PSMA1: variants seen among roughly 807,000 people sequenced by gnomAD.
The protein encoded by PSMA1 is proteasome 20S subunit alpha 1, also known as proteasome subunit alpha type-1.
A neutral mutation model predicts 38.4 loss-of-function variants in PSMA1; 3 were observed. That is an observed-to-expected ratio of 0.08 (90% confidence interval 0.04 to 0.20). PSMA1 has a LOEUF of 0.20. Among genes scored for constraint, PSMA1 ranks in the 10% least tolerant of loss-of-function variants. The pLI is 1.00. For missense variants in PSMA1, 227 were observed against 325.3 expected (o/e 0.70, Z 2.32); for synonymous variants, 101 against 107.1 (o/e 0.94, Z 0.35).
chr11:14,517,996 AAC>A lies in PSMA1; in HGVS notation c.49-17_49-16del. ...TGAATCCTGCCCTAAAGAAAAAAAA[AAC>A]AAAAAACACACATCTTAGAAGATCT... On this transcript the variant is annotated splice_polypyrimidine_tract_variant and intron_variant, in intron 2 of 9. Coordinates refer to ENST00000396394, the MANE Select transcript of PSMA1 (RefSeq NM_002786.4). The A allele has an allele frequency of 6.5e-7, 1 of 1,527,860 alleles. No homozygotes were observed. The highest frequency in any genetic ancestry group is 1.4e-5 in the African/African-American group (1 of 71,374). 94.6% of individuals were successfully genotyped at this position (1,527,860 alleles called of 1,614,324 possible).
intron 2 of PSMA1, among the ~76,000 whole-genome samples, chr11:14,537,522 A>G (rs1851722594): frequency 6.6e-6 from 1 of 151,420 alleles, no homozygotes; most frequent in South Asian, 2.1e-4. Context: ...ACAGAGTAGG[A>G]AGTTGCTATA....
At chr11:14,563,943 T>A (rs571474095) in intron 2 of PSMA1, among the ~76,000 whole-genome samples, 1 of 152,378 alleles carries the variant, frequency 6.6e-6, no homozygotes, top group African/African-American at 2.4e-5. Flanking sequence ...GAAACAACCA[T>A]AATTAAATAA....
At chr11:14,611,456 G>C (rs917160364) in intron 1 of PSMA1, among the ~76,000 whole-genome samples, 1 of 152,184 alleles carries the variant, frequency 6.6e-6, no homozygotes, top group African/African-American at 2.4e-5. Context: ...AATTAGCTAT[G>C]TTCTGTGCAT....
chr11:14,598,836 T>C (rs961615537), intron 2 of PSMA1, among the ~76,000 whole-genome samples: 2 of 152,118 alleles, frequency 1.3e-5, no homozygotes, highest in East Asian at 3.9e-4. Context: ...ATTCCTAGCA[T>C]TGATGATCTT....
intron 2 of PSMA1, among the ~76,000 whole-genome samples, chr11:14,590,329 G>A (rs1311091922): frequency 1.3e-5 from 2 of 152,140 alleles, no homozygotes; most frequent in Admixed American, 6.5e-5. Flanking sequence ...GGTTAAGATA[G>A]CAAATTTTCA....
chr11:14,591,392 C>A (rs1470602071), intron 2 of PSMA1, among the ~76,000 whole-genome samples: 1 of 152,202 alleles, frequency 6.6e-6, no homozygotes, highest in African/African-American at 2.4e-5. Flanking sequence ...CGATGAGTGC[C>A]GCCCCCTGCT....
intron 2 of PSMA1, among the ~76,000 whole-genome samples, chr11:14,543,121 G>A (rs946665296): frequency 1.3e-5 from 2 of 152,162 alleles, no homozygotes; most frequent in Non-Finnish European, 2.9e-5. Context: ...GTGAGCCACT[G>A]TGCCCTGCCA....
At chr11:14,519,124 T>C (rs559872716) in intron 1 of PSMA1, 83 bp from the exon 2 acceptor site, 9 of 1,213,444 alleles carry the variant, frequency 7.4e-6, no homozygotes, top group Admixed American at 1.8e-5. Flanking sequence ...AATATGCTTG[T>C]ATTTCCATTC....
chr11:14,520,139 G>T, intron 1 of PSMA1, 158 bp downstream of exon 1: 1 of 1,196,654 alleles, frequency 8.4e-7, no homozygotes, highest in Non-Finnish European at 1.2e-6. Context: ...GCCCGGCCAG[G>T]CCGGAGATGC....
rs755431214 is a variant in PSMA1 at position 14,593,651 on chromosome 11, AGAGAGAGAGAGC to A, written c.21+17303_21+17314del. On this transcript the variant is annotated intron_variant, in intron 2 of 10. Coordinates refer to the PSMA1 transcript ENST00000418988. Reference sequence around the variant, plus strand: ...GAGAGAGAGAGAGAGAGAGAGAGAGAGAGAGAGAGAGCGCCAGCCCTAATGTGTGGTCCTAAT... The same window carrying A: ...GAGAGAGAGAGAGAGAGAGAGAGAGAGCCAGCCCTAATGTGTGGTCCTAAT... Among the ~76,000 whole-genome samples, 703 of 148,086 alleles carry A rather than the reference AGAGAGAGAGAGC, an allele frequency of 4.7e-3. 5 individuals are homozygous for A. Among genetic ancestry groups the A allele is most frequent in the African/African-American group, 0.017 (669 of 38,954 alleles).
exon 2 of PSMA1, chr11:14,611,021 C>CCTAGT (rs1394709666): frequency 6.2e-7 from 1 of 1,603,288 alleles, no homozygotes; most frequent in African/African-American, 1.3e-5. Flanking sequence ...AGTAGACCAA[C>CCTAGT]ATACAACATA....
At chr11:14,593,613 T>TGAGAGAGA (rs59225796) in intron 2 of PSMA1, among the ~76,000 whole-genome samples, 1,300 of 98,940 alleles carry the variant, frequency 0.013, 34 homozygotes, top group Non-Finnish European at 0.02. Context: ...GGAGGAAAAA[T>TGAGAGAGA]GAGAGAGAGA....
chr11:14,612,549 T>C (rs942460108), intron 1 of PSMA1, among the ~76,000 whole-genome samples: 4 of 152,144 alleles, frequency 2.6e-5, no homozygotes, highest in Non-Finnish European at 5.9e-5. Flanking sequence ...AAAAAATGTA[T>C]GGAGCAGTTT....
At chr11:14,514,928 CA>C (rs1232543643) in intron 4 of PSMA1, among the ~76,000 whole-genome samples, 1 of 152,114 alleles carries the variant, frequency 6.6e-6, no homozygotes, top group Non-Finnish European at 1.5e-5. Flanking sequence ...GAAAACACAG[CA>C]GGGGGGATCT....
chr11:14,518,977 G>A lies in PSMA1; in HGVS notation c.48+20C>T. On this transcript the variant is annotated intron_variant, in intron 2 of 9. Transcript: ENST00000396394. Reference sequence around the variant, plus strand: ...CACAAAAAGCCACTTCACAGAAAAGGTTTAAAAACATTATTTTACCTGGGG... The same window carrying A: ...CACAAAAAGCCACTTCACAGAAAAGATTTAAAAACATTATTTTACCTGGGG... The A allele has an allele frequency of 6.4e-7, 1 of 1,557,842 alleles. No homozygotes were observed. Among genetic ancestry groups the A allele is most frequent in the Non-Finnish European group, 8.7e-7 (1 of 1,146,374 alleles).
intron 2 of PSMA1, among the ~76,000 whole-genome samples, chr11:14,542,641 C>T (rs1256553181): frequency 1.1e-4 from 16 of 152,196 alleles, no homozygotes; most frequent in Admixed American, 1.0e-3. Context: ...GAGTCATTGC[C>T]CTCCACCTAC....
At chr11:14,594,717 G>A (rs1431954847) in intron 2 of PSMA1, among the ~76,000 whole-genome samples, 1 of 152,032 alleles carries the variant, frequency 6.6e-6, no homozygotes, top group Non-Finnish European at 1.5e-5. Context: ...ACAGTTAAAG[G>A]TAACTTATAT....
At chr11:14,537,594 C>T (rs1589986525) in intron 2 of PSMA1, among the ~76,000 whole-genome samples, 1 of 146,722 alleles carries the variant, frequency 6.8e-6, no homozygotes, top group Non-Finnish European at 1.5e-5. Context: ...CTGGCCCATG[C>T]TAACATCATG....
chr11:14,633,863 G>T (rs1056005660), intron 1 of PSMA1, among the ~76,000 whole-genome samples: 3 of 152,100 alleles, frequency 2.0e-5, no homozygotes, highest in Non-Finnish European at 4.4e-5. Flanking sequence ...TAAGTCCGTC[G>T]GAAAAGCGCA....
Sources: gnomAD v4.1 joint callset for allele counts (sites outside exome capture counted in the v4.1 genomes callset) on GRCh38, gnomAD v4.1.1 for gene constraint, MANE v1.5 for transcripts, NCBI Gene and HGNC (gene_info 2026-07-23, HGNC 2026-07-21) for gene names.